The following CRB1 variants were observed in gnomAD, a reference collection of about 807,000 sequenced individuals.
The protein encoded by CRB1 is protein crumbs homolog 1.
A neutral mutation model predicts 120.0 loss-of-function variants in CRB1; 83 were observed. The observed-to-expected ratio is 0.69, with a 90% CI of 0.58 to 0.83. The LOEUF is 0.83. Ranked by LOEUF, CRB1 falls within the 40% of genes least tolerant of loss-of-function variation. The pLI is 0.00. For synonymous variants in CRB1, 625 were observed against 612.5 expected (o/e 1.02, Z -0.30); for missense variants, 1,699 against 1,687.6 (o/e 1.01, Z -0.12).
intron 1 of CRB1, among the ~76,000 whole-genome samples, chr1:197,286,933 TATTA>T (rs1655864360): frequency 1.3e-5 from 2 of 151,992 alleles, no homozygotes; most frequent in Non-Finnish European, 2.9e-5. Flanking sequence ...TTTTGAATTC[TATTA>T]ATTTTCTGCT....
At chr1:197,476,402 G>A (rs543322591) in intron 11 of CRB1, among the ~76,000 whole-genome samples, 5 of 151,252 alleles carry the variant, frequency 3.3e-5, no homozygotes, top group East Asian at 2.0e-4. Context: ...GTGTGTGCGC[G>A]TCTTCCTCTT....
rs574738608 is a variant in CRB1, at chr1:197,383,598, A to G, written c.1171+26585A>G. ...TAAAAGTTGAAAGAAATGTCTTTTG[A>G]CAACCTGATATGCAGCTTCCTCCTG... On this transcript the variant is annotated intron_variant, in intron 5 of 11. Coordinates refer to ENST00000367400, the MANE Select transcript of CRB1 (RefSeq NM_201253.3). Among the ~76,000 whole-genome samples, 5 of 152,324 alleles carry G rather than the reference A, an allele frequency of 3.3e-5. No individual in the cohort carries two copies. The South Asian group carries it at 1.0e-3, about 32-fold the overall frequency.
At chr1:197,449,757 G>A (rs889267156) in intron 11 of CRB1, among the ~76,000 whole-genome samples, 15 of 152,190 alleles carry the variant, frequency 9.9e-5, no homozygotes, top group Non-Finnish European at 2.1e-4. Flanking sequence ...TGTCACAGCT[G>A]CAATCTCTGC....
intron 5 of CRB1, among the ~76,000 whole-genome samples, chr1:197,378,210 A>G (rs1661749263): frequency 6.6e-6 from 1 of 152,226 alleles, no homozygotes; most frequent in Admixed American, 6.5e-5. Context: ...GAAACCATCA[A>G]TTCTTCAAGT....
chr1:197,275,869 T>C (rs370677091), intron 1 of CRB1, among the ~76,000 whole-genome samples: 12 of 152,154 alleles, frequency 7.9e-5, no homozygotes, highest in African/African-American at 2.9e-4. Flanking sequence ...TGTTATTTGT[T>C]GTGCTTATTA....
At chr1:197,366,096 A>G (rs1054082168) in intron 5 of CRB1, among the ~76,000 whole-genome samples, 3 of 152,088 alleles carry the variant, frequency 2.0e-5, no homozygotes, top group Non-Finnish European at 2.9e-5. Flanking sequence ...CTTTCTCTTT[A>G]TCTTCCTGAT....
chr1:197,206,431 C>T, the CRB1 span, among the ~76,000 whole-genome samples: 1 of 152,092 alleles, frequency 6.6e-6, no homozygotes, highest in African/African-American at 2.4e-5. Context: ...TGCTGTATCC[C>T]AGAGGTTTTG....
chr1:197,311,982 A>C (rs891518137), intron 1 of CRB1, among the ~76,000 whole-genome samples: 1 of 152,126 alleles, frequency 6.6e-6, no homozygotes, highest in Non-Finnish European at 1.5e-5. Flanking sequence ...AAGTGTAAGT[A>C]AAACCTAAGG....
At chr1:197,274,181 C>T (rs916205582) in intron 1 of CRB1, among the ~76,000 whole-genome samples, 1 of 152,022 alleles carries the variant, frequency 6.6e-6, no homozygotes, top group Non-Finnish European at 1.5e-5. Context: ...ACCTGATTTC[C>T]ACTATCTGCC....
At chr1:197,366,428 G>A (rs569601007) in intron 5 of CRB1, among the ~76,000 whole-genome samples, 1 of 152,040 alleles carries the variant, frequency 6.6e-6, no homozygotes, top group Non-Finnish European at 1.5e-5. Context: ...GTTAAATACA[G>A]GTATAAACTG....
intron 1 of CRB1, among the ~76,000 whole-genome samples, chr1:197,303,967 G>A (rs549916962): frequency 7.0e-4 from 106 of 152,168 alleles, no homozygotes; most frequent in Non-Finnish European, 1.3e-3. Flanking sequence ...CACCCTAGGT[G>A]ACAGAGAGAG....
intron 1 of CRB1, among the ~76,000 whole-genome samples, chr1:197,305,923 G>A (rs928371686): frequency 6.7e-6 from 1 of 150,026 alleles, no homozygotes; most frequent in African/African-American, 2.5e-5. Flanking sequence ...AAAACAAAAA[G>A]CAAGAACTGA....
At chr1:197,422,016 G>A (rs1416736367) in intron 6 of CRB1, 60 bp downstream of exon 6, 24 of 1,499,574 alleles carry the variant, frequency 1.6e-5, no homozygotes, top group Non-Finnish European at 3.7e-6. Flanking sequence ...AGCAGAAACA[G>A]CAAAAACAGC....
intron 4 of CRB1, among the ~76,000 whole-genome samples, chr1:197,348,345 G>C (rs1039515548): frequency 6.6e-6 from 1 of 152,132 alleles, no homozygotes; most frequent in Non-Finnish European, 1.5e-5. Context: ...AGAAGACAGT[G>C]ATATTGATAA....
intron 5 of CRB1, among the ~76,000 whole-genome samples, chr1:197,386,644 A>G (rs1462406348): frequency 6.6e-6 from 1 of 152,198 alleles, no homozygotes; most frequent in Non-Finnish European, 1.5e-5. Context: ...AAGAAATAAT[A>G]GTCTATATCG....
intron 5 of CRB1, among the ~76,000 whole-genome samples, chr1:197,409,640 C>G (rs1663595175): frequency 6.6e-6 from 1 of 152,032 alleles, no homozygotes; most frequent in Non-Finnish European, 1.5e-5. Context: ...AGACTGAGTA[C>G]CAACCACAAG....
chr1:197,428,595 G>T (rs1664716195), intron 7 of CRB1, among the ~76,000 whole-genome samples: 1 of 152,138 alleles, frequency 6.6e-6, no homozygotes, highest in African/African-American at 2.4e-5. Flanking sequence ...GCATTTCTGT[G>T]TGTTGAGCGT....
chr1:197,222,965 A>G, the CRB1 span: 2 of 840,516 alleles, frequency 2.4e-6, no homozygotes, highest in African/African-American at 1.7e-5. Context: ...TAACATGTAC[A>G]ATCTTTACAG....
chr1:197,365,642 T>TTTTA (rs1424329345), intron 5 of CRB1, among the ~76,000 whole-genome samples: 7 of 149,912 alleles, frequency 4.7e-5, no homozygotes, highest in African/African-American at 1.5e-4. Context: ...TTTTTTTTTT[T>TTTTA]ATCAGTAGGG....
Sources: allele counts gnomAD v4.1 joint callset (sites outside exome capture counted in the v4.1 genomes callset), GRCh38; gene constraint gnomAD v4.1.1; transcripts MANE v1.5; gene names NCBI Gene and HGNC (gene_info 2026-07-23, HGNC 2026-07-21).